Variants in MCC observed in about 807,000 individuals in gnomAD.
MCC encodes the protein colorectal mutant cancer protein.
In MCC, 90 loss-of-function variants were observed where a neutral mutation model predicts 116.2. That is an observed-to-expected ratio of 0.77 (90% CI 0.65 to 0.92). MCC has a LOEUF of 0.92. Among genes scored for constraint, MCC ranks in the 40% least tolerant of loss-of-function variants. MCC has a pLI of 0.00. For missense variants in MCC, 1,516 were observed against 1,312.2 expected (o/e 1.16, Z -2.40); for synonymous variants, 578 against 510.5 (o/e 1.13, Z -1.78).
intron 3 of MCC, among the ~76,000 whole-genome samples, chr5:113,264,655 G>T (rs1249730740): frequency 6.6e-6 from 1 of 152,104 alleles, no homozygotes; most frequent in African/African-American, 2.4e-5. Flanking sequence ...AAGGTAAAAA[G>T]AATTTTCCCA....
chr5:113,121,287 T>C (rs994661081), intron 6 of MCC, among the ~76,000 whole-genome samples: 6 of 152,178 alleles, frequency 3.9e-5, no homozygotes, highest in Admixed American at 2.0e-4. Context: ...ATTATCTCAT[T>C]CTCTTCCCCC....
rs146340635 is a variant in MCC at position 113,340,600 on chromosome 5, C to T, written c.546G>A (p.Gln182=). 10,244 of 1,614,128 alleles carry T rather than the reference C, an allele frequency of 6.3e-3. 57 individuals carry two copies. Among genetic ancestry groups the T allele is most frequent in the Middle Eastern group, 0.034 (209 of 6,058 alleles). ...GTGTGAGCAGTTTGTGGAGAGCAGC[C>T]TGCTGATGCAAAGAGCTTCCGCCAT... The part of the protein sequence containing the change: ...LEYGGSSLHQ[Q]AALHKLLTQS... Residue 182 remains glutamine, a synonymous_variant, in exon 3 of 19, where the codon CAG becomes CAA. Coordinates refer to ENST00000408903, the MANE Select transcript of MCC (RefSeq NM_001085377.2).
intron 3 of MCC, chr5:113,294,792 G>C: frequency 1.0e-6 from 1 of 987,344 alleles, no homozygotes; most frequent in African/African-American, 1.7e-5. Context: ...ACACCCTAGA[G>C]GGCACCGGCG....
At chr5:113,200,367 G>T (rs570298304) in intron 3 of MCC, among the ~76,000 whole-genome samples, 7 of 152,310 alleles carry the variant, frequency 4.6e-5, no homozygotes, top group Non-Finnish European at 7.4e-5. Flanking sequence ...GGAGGGCTCA[G>T]GACAGCAGCT....
At chr5:113,044,506 C>A (rs1580910828) in intron 16 of MCC, 1 of 983,212 alleles carries the variant, frequency 1.0e-6, no homozygotes, top group Non-Finnish European at 1.2e-6. Context: ...GACATGAGTG[C>A]TACCAAGCTG....
At chr5:113,059,346 G>T (rs1348710143) in intron 14 of MCC, among the ~76,000 whole-genome samples, 2 of 152,132 alleles carry the variant, frequency 1.3e-5, no homozygotes, top group African/African-American at 2.4e-5. Context: ...AGCTCTTAAC[G>T]TTTCACTGCG....
chr5:113,218,960 G>A (rs1036951391), intron 3 of MCC, among the ~76,000 whole-genome samples: 1 of 152,174 alleles, frequency 6.6e-6, no homozygotes, highest in African/African-American at 2.4e-5. Flanking sequence ...TGAAATCCGT[G>A]TTTTGTTTTG....
intron 6 of MCC, 78 bp from the exon 7 acceptor site, chr5:113,104,433 C>CAGGTAAT: frequency 7.4e-7 from 1 of 1,344,704 alleles, no homozygotes; most frequent in Non-Finnish European, 1.0e-6. Context: ...GGGACTCATT[C>CAGGTAAT]AGGTAATGGG....
intron 17 of MCC, among the ~76,000 whole-genome samples, chr5:113,042,924 A>G (rs892928364): frequency 2.0e-5 from 3 of 152,196 alleles, no homozygotes; most frequent in Admixed American, 1.3e-4. Context: ...TTACAAGTAC[A>G]TATGTGGTTC....
chr5:113,384,487 C>G lies in MCC; in HGVS notation c.415+481G>C, dbSNP rs573440956. Among the ~76,000 whole-genome samples the G allele has an allele frequency of 2.6e-5, 4 of 152,232 alleles. No homozygotes were observed. In the South Asian group the frequency reaches 8.3e-4, roughly 32 times the overall value. On this transcript the variant is annotated intron_variant, in intron 2 of 18. Transcript: ENST00000408903. ...CCTGTAGTCCCAGCTACTCAGGAGA[C>G]TGAGGCAGGAGAAAGGCGGGAACCC... is the stretch of plus-strand genomic sequence containing the variant.
chr5:113,443,106 C>T (rs528097904), intron 1 of MCC, among the ~76,000 whole-genome samples: 4 of 152,148 alleles, frequency 2.6e-5, no homozygotes, highest in Admixed American at 6.6e-5. Context: ...GCCATTTTCA[C>T]GATATTGATT....
intron 8 of MCC, among the ~76,000 whole-genome samples, chr5:113,085,904 C>T (rs1333763740): frequency 1.3e-5 from 2 of 152,146 alleles, no homozygotes; most frequent in Non-Finnish European, 2.9e-5. Flanking sequence ...TGCCAGGGCT[C>T]GTCTTGAACT....
intron 16 of MCC, among the ~76,000 whole-genome samples, chr5:113,045,879 C>T (rs745528491): frequency 5.9e-5 from 9 of 152,082 alleles, no homozygotes; most frequent in Non-Finnish European, 1.2e-4. Flanking sequence ...TCTGCTTTTG[C>T]GCTAGCATTG....
At chr5:113,221,390 G>C (rs1007563370) in intron 3 of MCC, among the ~76,000 whole-genome samples, 2 of 152,180 alleles carry the variant, frequency 1.3e-5, no homozygotes, top group African/African-American at 4.8e-5. Flanking sequence ...CTAACTTTGG[G>C]AGGAACTTAG....
chr5:113,276,426 T>C (rs11749864), intron 3 of MCC, among the ~76,000 whole-genome samples: 19,170 of 152,096 alleles, frequency 0.13, 1,984 homozygotes, highest in Admixed American at 0.26. Context: ...TTCTGCACAA[T>C]ACACTGCTCA....
chr5:113,034,797 G>C (rs1251369192), intron 17 of MCC, among the ~76,000 whole-genome samples: 1 of 152,216 alleles, frequency 6.6e-6, no homozygotes, highest in African/African-American at 2.4e-5. Context: ...GGTCCCTTCT[G>C]TCCTTTTCTT....
chr5:113,356,907 A>C (rs1259323487), intron 2 of MCC, among the ~76,000 whole-genome samples: 1 of 152,258 alleles, frequency 6.6e-6, no homozygotes, highest in African/African-American at 2.4e-5. Flanking sequence ...CTTTGGTCCT[A>C]CCAATAGCCT....
At chr5:113,180,754 AT>A (rs1337896765) in intron 3 of MCC, among the ~76,000 whole-genome samples, 3 of 152,234 alleles carry the variant, frequency 2.0e-5, no homozygotes, top group African/African-American at 7.2e-5. Flanking sequence ...ATATTAAAAC[AT>A]TAATGGCATG....
intron 3 of MCC, among the ~76,000 whole-genome samples, chr5:113,260,725 T>C (rs1765191600): frequency 6.6e-6 from 1 of 151,384 alleles, no homozygotes; most frequent in African/African-American, 2.4e-5. Context: ...AGCTTTTTTT[T>C]TTGAAATGCC....
Sources: allele counts gnomAD v4.1 joint callset (sites outside exome capture counted in the v4.1 genomes callset), GRCh38; gene constraint gnomAD v4.1.1; transcripts MANE v1.5; gene names NCBI Gene and HGNC (gene_info 2026-07-23, HGNC 2026-07-21).